The following NFKB1 variants were observed in gnomAD, a reference collection of about 807,000 sequenced individuals.
NFKB1 encodes the protein nuclear factor kappa B subunit 1.
In NFKB1, 9 loss-of-function variants were observed where a neutral mutation model predicts 105.1. The ratio of observed to expected loss-of-function variants is 0.09; its 90% CI spans 0.05 to 0.15. The LOEUF is 0.15. Among genes scored for constraint, NFKB1 ranks in the 10% least tolerant of loss-of-function variants. The pLI is 1.00. For missense variants in NFKB1, 830 were observed against 1,203.7 expected (o/e 0.69, Z 4.59); for synonymous variants, 440 against 442.2 (o/e 1.00, Z 0.06).
intron 13 of NFKB1, among the ~76,000 whole-genome samples, chr4:102,595,240 A>G (rs1472948903): frequency 6.6e-6 from 1 of 152,216 alleles, no homozygotes; most frequent in African/African-American, 2.4e-5. Flanking sequence ...AAAAGAGACA[A>G]CAGAGACCTG....
chr4:102,607,229 C>A lies in NFKB1; in HGVS notation c.2034C>A (p.Val678=). 9 of 1,614,188 alleles carry A rather than the reference C, an allele frequency of 5.6e-6. No individual in the cohort carries two copies. Among genetic ancestry groups the A allele is most frequent in the Non-Finnish European group, 7.6e-6 (9 of 1,180,034 alleles). Residue 678 remains valine (V), a synonymous_variant, in exon 18 of 24, where the codon GTC becomes GTA. Transcript: ENST00000226574. ...LLLLVAAGAD[V]NAQEQKSGRT... is the part of the protein sequence containing the mutation. ...TGCTGGTGGCCGCTGGGGCTGACGT[C>A]AATGCTCAGGAGCAGAAGTCCGGGC...
chr4:102,536,154 A>G (rs1308286976), intron 4 of NFKB1, among the ~76,000 whole-genome samples: 1 of 151,904 alleles, frequency 6.6e-6, no homozygotes, highest in East Asian at 1.9e-4. Context: ...TGTTTTTTTC[A>G]TGGTTTTAGA....
At chr4:102,530,848 G>A (rs573136403) in intron 3 of NFKB1, among the ~76,000 whole-genome samples, 16 of 152,114 alleles carry the variant, frequency 1.1e-4, no homozygotes, top group Non-Finnish European at 2.2e-4. Context: ...GAAAAAAGTA[G>A]ATCTACTATA....
chr4:102,604,897 AGATATAATCCTTG>A (rs1172747134), intron 16 of NFKB1, among the ~76,000 whole-genome samples: 1 of 151,968 alleles, frequency 6.6e-6, no homozygotes, highest in Non-Finnish European at 1.5e-5. Context: ...TAATTGTTTA[AGATATAATCCTTG>A]GATTTAAGAA....
At chr4:102,530,702 T>C (rs1413817509) in intron 3 of NFKB1, among the ~76,000 whole-genome samples, 1 of 152,182 alleles carries the variant, frequency 6.6e-6, no homozygotes, top group Admixed American at 6.5e-5. Context: ...TTGTCTTCAT[T>C]GGGGGACTTT....
chr4:102,585,287 T>C (rs1598859), intron 11 of NFKB1, among the ~76,000 whole-genome samples: 51,571 of 152,096 alleles, frequency 0.34, 9,174 homozygotes, highest in Admixed American at 0.44. Context: ...GGATCCATGG[T>C]GCTTATTTTT....
chr4:102,607,013 A>G, intron 17 of NFKB1, 137 bp from the exon 18 acceptor site: 1 of 903,246 alleles, frequency 1.1e-6, no homozygotes, highest in Non-Finnish European at 1.8e-6. Context: ...GTGGGTCTTC[A>G]AAGCAGAACA....
At chr4:102,560,000 T>C (rs1020028721) in intron 5 of NFKB1, among the ~76,000 whole-genome samples, 4 of 149,956 alleles carry the variant, frequency 2.7e-5, no homozygotes, top group African/African-American at 9.8e-5. Context: ...AGAATATCAG[T>C]ATTATATACA....
intron 11 of NFKB1, among the ~76,000 whole-genome samples, chr4:102,590,485 C>G (rs1229873143): frequency 2.0e-5 from 3 of 152,182 alleles, no homozygotes; most frequent in Non-Finnish European, 4.4e-5. Context: ...CATGTACTCA[C>G]TTTATGTCTC....
chr4:102,595,548 T>C (rs1206719795), intron 13 of NFKB1, among the ~76,000 whole-genome samples: 1 of 152,216 alleles, frequency 6.6e-6, no homozygotes, highest in Non-Finnish European at 1.5e-5. Flanking sequence ...ATATGGAAAA[T>C]AGTAACTCCA....
chr4:102,613,589 A>G lies in NFKB1; in HGVS notation c.2749+8A>G, dbSNP rs1300228308. The G allele has an allele frequency of 1.2e-6, 2 of 1,610,450 alleles. No individual in the cohort carries two copies. The highest frequency in any genetic ancestry group is 1.7e-6 in the Non-Finnish European group (2 of 1,178,364). The stretch of plus-strand genomic sequence containing the variant: ...CCACAAGGCAGCAAATAGGTAAAAA[A>G]AAAGACAAAAGACAGTGGAGATATT... On this transcript the variant is annotated splice_region_variant and intron_variant, in intron 23 of 23. Coordinates refer to ENST00000226574, the MANE Select transcript of NFKB1 (RefSeq NM_003998.4).
intron 6 of NFKB1, among the ~76,000 whole-genome samples, chr4:102,572,304 G>C (rs1724439449): frequency 7.2e-6 from 1 of 139,100 alleles, no homozygotes; most frequent in Admixed American, 7.5e-5. Flanking sequence ...TGGACACAGG[G>C]TGGGGAATAT....
chr4:102,537,728 C>G, intron 4 of NFKB1, 130 bp from the exon 5 acceptor site: 1 of 494,130 alleles, frequency 2.0e-6, no homozygotes, highest in Non-Finnish European at 3.6e-6. Flanking sequence ...ACGGAGCCCT[C>G]TTTCACAGTT....
chr4:102,515,110 T>TTTA lies in NFKB1; in HGVS notation c.-7-10400_-7-10399insATT, dbSNP rs1553927181. ...ATGTAATATTATTATTATTATTATT[T>TTTA]TTTTTTTTTTTTTTTTTTGAGACGG... On this transcript the variant is annotated intron_variant, in intron 1 of 23. Transcript: ENST00000226574. 6.7e-5 allele frequency among the ~76,000 whole-genome samples: 8 copies of TTTA among 119,652 alleles called. No individual in the cohort carries two copies. The East Asian group carries it at 1.6e-3, about 24-fold the overall frequency. The allele number at this position is 119,652 out of a possible 152,430, so 78.5% of individuals were successfully genotyped here.
Position 102,507,180 on chromosome 4 carries a change from A to C in NFKB1, c.-8+5392A>C, listed in dbSNP as rs1048523462. 1.6e-4 allele frequency among the ~76,000 whole-genome samples: 25 copies of C among 151,956 alleles called. 1 individual carries two copies. Among genetic ancestry groups the C allele is most frequent in the Admixed American group, 6.5e-5 (1 of 15,270 alleles). The stretch of plus-strand genomic sequence containing the variant: ...GTTGAAAAGTACTCCGAAGATTAAT[A>C]GCGGCAGTGTTTGTTAAAATAATAA... On this transcript the variant is annotated intron_variant, in intron 1 of 23. Coordinates refer to ENST00000226574, the MANE Select transcript of NFKB1 (RefSeq NM_003998.4).
chr4:102,607,766 T>C lies in NFKB1; in HGVS notation c.2227+15T>C. The C allele has an allele frequency of 1.2e-6, 2 of 1,610,568 alleles. No homozygotes were observed. The highest frequency in any genetic ancestry group is 1.1e-5 in the South Asian group (1 of 90,996). ...CAAAGCAGCAGGTAAGATGGTGATC[T>C]GGCGGTCATTAATGAAAAATGTTAC... is the stretch of plus-strand genomic sequence containing the variant. On this transcript the variant is annotated intron_variant, in intron 19 of 23. Transcript: ENST00000226574.
intron 5 of NFKB1, among the ~76,000 whole-genome samples, chr4:102,544,604 G>C (rs1440235249): frequency 6.6e-6 from 1 of 152,112 alleles, no homozygotes; most frequent in Non-Finnish European, 1.5e-5. Context: ...AACCACAATT[G>C]AGACTTATAG....
At chr4:102,548,181 G>T (rs893367604) in intron 5 of NFKB1, among the ~76,000 whole-genome samples, 1 of 152,032 alleles carries the variant, frequency 6.6e-6, no homozygotes. Context: ...CCTTTACTGG[G>T]TCCAGGACAT....
rs1264672055 is a variant in NFKB1 at position 102,613,315 on chromosome 4, C to T, written c.2593-110C>T. The stretch of plus-strand genomic sequence containing the variant: ...CTGCCCTTTCCATTTCCTCCTGGCT[C>T]CTGAGTGGAGGAGGCAGCATGGAAG... On this transcript the variant is annotated intron_variant, in intron 22 of 23. Coordinates refer to ENST00000226574, the MANE Select transcript of NFKB1 (RefSeq NM_003998.4). 9.8e-6 allele frequency: 11 copies of T among 1,120,530 alleles called. No homozygotes were observed. In the Admixed American group the frequency reaches 1.4e-4, roughly 14 times the overall value. 69.4% of individuals were successfully genotyped at this position (1,120,530 alleles called of 1,614,324 possible).
Sources: allele counts gnomAD v4.1 joint callset (sites outside exome capture counted in the v4.1 genomes callset), GRCh38; gene constraint gnomAD v4.1.1; transcripts MANE v1.5; gene names NCBI Gene and HGNC (gene_info 2026-07-23, HGNC 2026-07-21).